SCD5: variants seen among roughly 807,000 people sequenced by gnomAD.
SCD5 encodes stearoyl-CoA desaturase 5, also known as acyl-CoA-desaturase 4.
A neutral mutation model predicts 30.4 loss-of-function variants in SCD5; 20 were observed. That is an observed-to-expected ratio of 0.66 (90% CI 0.46 to 0.96). The LOEUF is 0.96. Ranked by LOEUF, SCD5 falls within the 40% of genes least tolerant of loss-of-function variation. The pLI, the probability that SCD5 is intolerant of heterozygous loss-of-function variation, is 0.00. For synonymous variants in SCD5, 173 were observed against 176.4 expected, an observed-to-expected ratio of 0.98 and a Z score of 0.16; for missense variants, 381 against 443.3, an observed-to-expected ratio of 0.86 and a Z score of 1.26.
At chr4:82,654,374 C>T (rs1180976612) in intron 3 of SCD5, among the ~76,000 whole-genome samples, 2 of 152,148 alleles carry the variant, frequency 1.3e-5, no homozygotes, top group East Asian at 1.9e-4. Flanking sequence ...TTTCTTTGGT[C>T]TCTATTTCAC....
At chr4:82,781,603 C>T (rs992937841) in intron 1 of SCD5, among the ~76,000 whole-genome samples, 2 of 152,132 alleles carry the variant, frequency 1.3e-5, no homozygotes, top group Middle Eastern at 3.4e-3. Context: ...GGGAAGCAGG[C>T]CTAATGGGAG....
chr4:82,798,333 T>C lies in SCD5; in HGVS notation c.205A>G (p.Lys69Glu). ...CAGAGCAGAGTGAGTGGCTTGGCTT[T>C]GGGGATGAGCACCAGGGAGTACACG... is the stretch of plus-strand genomic sequence containing the variant. ...GAVYSLVLIP[K>E]AKPLTLLWAY... is the part of the protein sequence containing the mutation. The change falls in exon 1 of 5, where the codon AAA becomes GAA. Residue 69 changes from lysine to glutamate, a missense_variant. Transcript: ENST00000319540. 6.2e-7 allele frequency: 1 copy of C among 1,611,646 alleles called. No homozygotes were observed. The highest frequency in any genetic ancestry group is 1.1e-5 in the South Asian group (1 of 90,648).
intron 1 of SCD5, among the ~76,000 whole-genome samples, chr4:82,729,570 G>A (rs1193561163): frequency 6.6e-5 from 10 of 152,194 alleles, no homozygotes; most frequent in African/African-American, 2.2e-4. Flanking sequence ...TTGAATTGAC[G>A]GAAGGGGGGA....
intron 1 of SCD5, among the ~76,000 whole-genome samples, chr4:82,712,276 A>G (rs1473978475): frequency 6.6e-5 from 3 of 45,620 alleles, no homozygotes; most frequent in African/African-American, 4.0e-4. Flanking sequence ...ATATATATAT[A>G]TATATATATA....
intron 2 of SCD5, among the ~76,000 whole-genome samples, chr4:82,689,563 A>G (rs1252980658): frequency 6.6e-6 from 1 of 152,210 alleles, no homozygotes; most frequent in African/African-American, 2.4e-5. Flanking sequence ...TAAAATACCA[A>G]TTGACAAATG....
chr4:82,691,136 C>T (rs1728826192), intron 2 of SCD5, among the ~76,000 whole-genome samples: 1 of 152,170 alleles, frequency 6.6e-6, no homozygotes, highest in Admixed American at 6.5e-5. Flanking sequence ...AGTGATTTTC[C>T]TGCCTCAGCC....
intron 2 of SCD5, chr4:82,692,572 T>A (rs1243805322): frequency 6.6e-6 from 1 of 152,274 alleles, no homozygotes; most frequent in Non-Finnish European, 1.5e-5. Flanking sequence ...CGGTATCCCG[T>A]GTCAGGTTCT....
chr4:82,664,989 C>G (rs200390597), intron 3 of SCD5, among the ~76,000 whole-genome samples: 1 of 103,256 alleles, frequency 9.7e-6, no homozygotes, highest in Non-Finnish European at 1.8e-5. Context: ...CTCTCTCTCT[C>G]TCTCTCTCTC....
At chr4:82,668,192 A>C (rs1035704600) in intron 3 of SCD5, among the ~76,000 whole-genome samples, 2 of 152,190 alleles carry the variant, frequency 1.3e-5, no homozygotes, top group African/African-American at 4.8e-5. Flanking sequence ...AGAAGGGTAC[A>C]AAAAAAGGAA....
rs370832661 is a variant in SCD5 at position 82,635,672 on chromosome 4, G to A, written c.802+919C>T. On this transcript the variant is annotated intron_variant, in intron 4 of 4. Transcript: ENST00000319540. ...CGAAGGCTTGTTTCATACAAGCACT[G>A]GTAGGAACACTCTGTATCAACTCAT... Among the ~76,000 whole-genome samples the A allele has an allele frequency of 3.3e-5, 5 of 149,750 alleles. No individual in the cohort carries two copies. In the South Asian group the frequency reaches 1.1e-3, roughly 32 times the overall value.
At chr4:82,648,696 T>C (rs28496111) in intron 3 of SCD5, among the ~76,000 whole-genome samples, 21,863 of 152,134 alleles carry the variant, frequency 0.14, 2,239 homozygotes, top group African/African-American at 0.29. Flanking sequence ...GTCATTTCTG[T>C]TTGTCAGTGT....
chr4:82,717,824 G>A (rs561557807), intron 1 of SCD5, among the ~76,000 whole-genome samples: 11 of 151,760 alleles, frequency 7.2e-5, no homozygotes, highest in African/African-American at 1.7e-4. Flanking sequence ...GGTGAAGCAC[G>A]AGAATTGCTT....
chr4:82,697,717 C>T lies in SCD5; in HGVS notation c.363+7566G>A, dbSNP rs532721592. Among the ~76,000 whole-genome samples, 10 of 152,316 alleles carry T rather than the reference C, an allele frequency of 6.6e-5. No homozygotes were observed. The South Asian group carries it at 1.9e-3, about 28-fold the overall frequency. ...TGCAGAAAGAAAATGCCGTACCCCACGCAGCAGCCTCTGGAGAGTTTCCTG... is the reference window on the plus strand; with the variant it reads ...TGCAGAAAGAAAATGCCGTACCCCATGCAGCAGCCTCTGGAGAGTTTCCTG... On this transcript the variant is annotated intron_variant, in intron 2 of 4. Transcript: ENST00000319540.
At chr4:82,786,176 T>C (rs927852675) in intron 1 of SCD5, among the ~76,000 whole-genome samples, 3 of 152,146 alleles carry the variant, frequency 2.0e-5, no homozygotes, top group Admixed American at 6.5e-5. Flanking sequence ...GGGAGAAGGG[T>C]AGAGACCTGG....
At position 82,630,604 on chromosome 4, in the gene SCD5, A is replaced by G. The variant is rs1444637928; in HGVS notation, c.*723T>C. Reference sequence around the variant, plus strand: ...CGTATATTTGACGTATTTTAGCTATAGCGATTAAATCACATGTCCACACTC... The same window carrying G: ...CGTATATTTGACGTATTTTAGCTATGGCGATTAAATCACATGTCCACACTC... On this transcript the variant is annotated 3_prime_UTR_variant, in exon 5 of 5. Transcript: ENST00000319540. 3 of 152,242 alleles carry G rather than the reference A, an allele frequency of 2.0e-5. No homozygotes were observed. Among genetic ancestry groups the G allele is most frequent in the Non-Finnish European group, 4.4e-5 (3 of 68,046 alleles). 9.4% of individuals were successfully genotyped at this position (152,242 alleles called of 1,614,324 possible). A position where few individuals can be genotyped will look rare whatever the true frequency, so the allele number is the denominator to read the frequency against.
At chr4:82,638,282 C>A (rs778985046) in intron 3 of SCD5, among the ~76,000 whole-genome samples, 1 of 151,628 alleles carries the variant, frequency 6.6e-6, no homozygotes, top group Non-Finnish European at 1.5e-5. Context: ...CCCTGCCCTG[C>A]CCCCCCAAAA....
chr4:82,681,237 A>G (rs1200383380), intron 2 of SCD5, among the ~76,000 whole-genome samples: 2 of 152,096 alleles, frequency 1.3e-5, no homozygotes, highest in Admixed American at 1.3e-4. Flanking sequence ...CTCCTAGATC[A>G]TTTATGTCAA....
At chr4:82,678,053 G>T (rs1267467705) in intron 3 of SCD5, among the ~76,000 whole-genome samples, 1 of 151,848 alleles carries the variant, frequency 6.6e-6, no homozygotes, top group African/African-American at 2.4e-5. Context: ...AATCATTCTG[G>T]GGCTAGACCA....
At chr4:82,656,180 G>A (rs1353171226) in intron 3 of SCD5, among the ~76,000 whole-genome samples, 1 of 152,030 alleles carries the variant, frequency 6.6e-6, no homozygotes, top group Admixed American at 6.5e-5. Flanking sequence ...CACGTGCTAT[G>A]GTGGTTTGCT....
Sources: allele counts gnomAD v4.1 joint callset (sites outside exome capture counted in the v4.1 genomes callset), GRCh38; gene constraint gnomAD v4.1.1; transcripts MANE v1.5; gene names NCBI Gene and HGNC (gene_info 2026-07-23, HGNC 2026-07-21).